HIPK2: variants seen among roughly 807,000 people sequenced by gnomAD.
HIPK2 encodes homeodomain-interacting protein kinase 2.
In HIPK2, 27 loss-of-function variants were observed where a neutral mutation model predicts 113.7. That is an observed-to-expected ratio of 0.24 (90% confidence interval 0.17 to 0.33). The LOEUF is 0.33. Among genes scored for constraint, HIPK2 ranks in the 10% least tolerant of loss-of-function variants. HIPK2 has a pLI of 1.00. For synonymous variants in HIPK2, 631 were observed against 642.2 expected, an observed-to-expected ratio of 0.98 and a Z score of 0.26; for missense variants, 1,257 against 1,588.0, an observed-to-expected ratio of 0.79 and a Z score of 3.54.
intron 12 of HIPK2, among the ~76,000 whole-genome samples, chr7:139,592,986 T>C (rs904354106): frequency 1.3e-5 from 2 of 152,316 alleles, no homozygotes; most frequent in African/African-American, 2.4e-5. Flanking sequence ...TCCAGCACTC[T>C]GACAAACGCC....
At chr7:139,644,197 A>G (rs1264450705) in intron 2 of HIPK2, among the ~76,000 whole-genome samples, 1 of 152,160 alleles carries the variant, frequency 6.6e-6, no homozygotes, top group Non-Finnish European at 1.5e-5. Context: ...AAGAGAATAT[A>G]TATACAAAGA....
intron 1 of HIPK2, among the ~76,000 whole-genome samples, chr7:139,740,040 A>G (rs1429214731): frequency 2.6e-5 from 4 of 152,172 alleles, no homozygotes; most frequent in South Asian, 4.1e-4. Flanking sequence ...TCGGGTACAT[A>G]CCTGGGAGTG....
Position 139,604,238 on chromosome 7 carries a change from A to C in HIPK2, c.2113-15T>G. On this transcript the variant is annotated splice_polypyrimidine_tract_variant and intron_variant, in intron 9 of 14. Coordinates refer to ENST00000406875, the MANE Select transcript of HIPK2 (RefSeq NM_022740.5). ...GGCCAAGCCTGCTGTAGAACACAGG[A>C]CATGTGCAATGACCATGTTTGCTAA... The C allele has an allele frequency of 6.3e-7, 1 of 1,596,612 alleles. No individual in the cohort carries two copies. The highest frequency in any genetic ancestry group is 2.2e-5 in the East Asian group (1 of 44,650).
chr7:139,615,720 G>GT (rs1400157957), intron 7 of HIPK2, among the ~76,000 whole-genome samples: 1 of 152,222 alleles, frequency 6.6e-6, no homozygotes, highest in Non-Finnish European at 1.5e-5. Flanking sequence ...AGTAGGGTGT[G>GT]TATGGATGTC....
At chr7:139,579,621 C>T (rs577284837) in intron 13 of HIPK2, among the ~76,000 whole-genome samples, 2 of 151,612 alleles carry the variant, frequency 1.3e-5, no homozygotes, top group South Asian at 4.1e-4. Flanking sequence ...CTAGAGGTCT[C>T]AGCCTCTCAA....
At chr7:139,599,337 C>A (rs770576478) in intron 11 of HIPK2, among the ~76,000 whole-genome samples, 3 of 152,138 alleles carry the variant, frequency 2.0e-5, no homozygotes, top group Non-Finnish European at 4.4e-5. Context: ...ACAGTCATAA[C>A]CCCCCCTACA....
chr7:139,686,872 C>T (rs1043785658), intron 2 of HIPK2, among the ~76,000 whole-genome samples: 9 of 152,228 alleles, frequency 5.9e-5, no homozygotes, highest in Admixed American at 1.3e-4. Flanking sequence ...CAAACAGCAT[C>T]ACATGCTACA....
rs1212149783 is a variant in HIPK2 at position 139,600,439 on chromosome 7, T to C, written c.2413A>G (p.Lys805Glu). Residue 805 changes from lysine (K) to glutamate (E), a missense_variant, in exon 11 of 15, where the codon AAG (lysine) becomes GAG (glutamate). By Grantham distance (56) the Lys-to-Glu change is moderately conservative. Transcript: ENST00000406875. ...TACCTCACAGATGACTGGTGCTGCT[T>C]ACTCTTCCGGGAGGAGGTGGTGCTG... is the stretch of plus-strand genomic sequence containing the variant. The part of the protein sequence containing the change: ...PTSTTSSRKS[K>E]QHQSSVRNVS... 2 of 1,613,648 alleles carry C rather than the reference T, an allele frequency of 1.2e-6. No homozygotes were observed.
chr7:139,653,988 C>T (rs1455269345), intron 2 of HIPK2, among the ~76,000 whole-genome samples: 1 of 152,140 alleles, frequency 6.6e-6, no homozygotes, highest in Non-Finnish European at 1.5e-5. Flanking sequence ...CTGCCTCGGC[C>T]TCCCAAAGTG....
chr7:139,633,330 C>T (rs931656463), intron 2 of HIPK2, among the ~76,000 whole-genome samples: 3 of 151,908 alleles, frequency 2.0e-5, no homozygotes, highest in Admixed American at 6.6e-5. Flanking sequence ...AGGAAGAGGG[C>T]GATCAGAAAC....
Position 139,670,759 on chromosome 7 carries a change from CTTTTTTT to C in HIPK2, c.1104-39041_1104-39035del, listed in dbSNP as rs1156402912. On this transcript the variant is annotated intron_variant, in intron 2 of 14. Transcript: ENST00000406875. ...TCTTTCTTTCTTTCTTTCTTTCTTT[CTTTTTTT>C]TTTTTTTTTTTTTTTGAGGCAGAGT... 8.6e-5 allele frequency among the ~76,000 whole-genome samples: 4 copies of C among 46,410 alleles called. No homozygotes were observed. The Admixed American group carries it at 1.2e-3, about 13-fold the overall frequency. The allele number at this position is 46,410 out of a possible 152,430, so 30.4% of individuals were successfully genotyped here.
intron 2 of HIPK2, among the ~76,000 whole-genome samples, chr7:139,686,523 C>T (rs1794227003): frequency 6.6e-6 from 1 of 152,138 alleles, no homozygotes; most frequent in Admixed American, 6.5e-5. Context: ...TGCATTCATG[C>T]TGTTCTCATG....
At chr7:139,721,826 C>T (rs899676059) in intron 1 of HIPK2, among the ~76,000 whole-genome samples, 2 of 151,998 alleles carry the variant, frequency 1.3e-5, no homozygotes, top group Admixed American at 6.5e-5. Context: ...CAGGAGGTCA[C>T]GGTAGGATAA....
intron 1 of HIPK2, among the ~76,000 whole-genome samples, chr7:139,771,510 T>C (rs141084085): frequency 6.6e-6 from 1 of 152,198 alleles, no homozygotes; most frequent in East Asian, 1.9e-4. Context: ...GCGTAAGTTA[T>C]AACTTAGATG....
At chr7:139,639,852 A>G (rs939535298) in intron 2 of HIPK2, among the ~76,000 whole-genome samples, 1 of 152,142 alleles carries the variant, frequency 6.6e-6, no homozygotes, top group African/African-American at 2.4e-5. Context: ...AGTACCTCCT[A>G]TGTGAGAGGC....
chr7:139,628,738 G>T (rs1339295168), intron 5 of HIPK2, among the ~76,000 whole-genome samples: 4 of 152,134 alleles, frequency 2.6e-5, no homozygotes, highest in African/African-American at 9.7e-5. Flanking sequence ...CTGGCCAACT[G>T]GAACGATTTT....
chr7:139,731,893 AC>A lies in HIPK2; in HGVS notation c.20-14879del, dbSNP rs1163675423. 2.6e-5 allele frequency among the ~76,000 whole-genome samples: 4 copies of A among 152,286 alleles called. No homozygotes were observed. The East Asian group carries it at 7.7e-4, about 29-fold the overall frequency. ...TTCCCCTCAGTTGCCTTTAACTGAC[AC>A]CTGACTAAACTCAATTAGGGATCAC... On this transcript the variant is annotated intron_variant, in intron 1 of 14. Coordinates refer to ENST00000406875, the MANE Select transcript of HIPK2 (RefSeq NM_022740.5).
intron 6 of HIPK2, among the ~76,000 whole-genome samples, chr7:139,622,098 C>A (rs1373831371): frequency 6.6e-6 from 1 of 152,124 alleles, no homozygotes; most frequent in Non-Finnish European, 1.5e-5. Context: ...GGTATGCTAT[C>A]TTTGGGGCTA....
At chr7:139,585,248 G>A in intron 12 of HIPK2, among the ~76,000 whole-genome samples, 1 of 152,176 alleles carries the variant, frequency 6.6e-6, no homozygotes, top group East Asian at 1.9e-4. Context: ...GCCAGGCCAG[G>A]CTCTTCCCAT....
Sources: allele counts gnomAD v4.1 joint callset (sites outside exome capture counted in the v4.1 genomes callset), GRCh38; gene constraint gnomAD v4.1.1; transcripts MANE v1.5; gene names NCBI Gene and HGNC (gene_info 2026-07-23, HGNC 2026-07-21).